Variants in RNF8 observed in about 807,000 individuals in gnomAD.
The protein encoded by RNF8 is E3 ubiquitin-protein ligase RNF8.
In RNF8, 8 loss-of-function variants were observed where a neutral mutation model predicts 59.3. The ratio of observed to expected loss-of-function variants is 0.13; its 90% CI spans 0.08 to 0.24. The LOEUF is 0.24. RNF8 is among the 10% of genes least tolerant of loss of function. The pLI is 1.00. For missense variants in RNF8, 406 were observed against 572.6 expected (o/e 0.71, Z 2.97); for synonymous variants, 162 against 200.0 (o/e 0.81, Z 1.60).
chr6:37,388,645 G>T (rs1056529997), intron 7 of RNF8, among the ~76,000 whole-genome samples: 1 of 152,060 alleles, frequency 6.6e-6, no homozygotes, highest in African/African-American at 2.4e-5. Context: ...GGGATGTGGG[G>T]CAGGGATGTG....
At chr6:37,379,304 C>G (rs1399673739) in intron 6 of RNF8, among the ~76,000 whole-genome samples, 1 of 152,104 alleles carries the variant, frequency 6.6e-6, no homozygotes, top group Non-Finnish European at 1.5e-5. Flanking sequence ...TGAGCCTGGC[C>G]AGATGCTTCA....
intron 7 of RNF8, among the ~76,000 whole-genome samples, chr6:37,386,437 C>T (rs888684257): frequency 3.9e-5 from 6 of 152,112 alleles, no homozygotes; most frequent in East Asian, 3.9e-4. Flanking sequence ...TGCAGGCACC[C>T]GGAAAAGTTT....
rs191180960 is a variant in RNF8 at position 37,370,904 on chromosome 6, G to A, written c.976-608G>A. ...AATTTCAAGTTGGCATATTAAATGG[G>A]TAGGTAATTCTTAAGGACAGAAGGG... is the stretch of plus-strand genomic sequence containing the variant. On this transcript the variant is annotated intron_variant, in intron 3 of 7. Transcript: ENST00000373479. Among the ~76,000 whole-genome samples, 19 of 152,246 alleles carry A rather than the reference G, an allele frequency of 1.2e-4. No individual in the cohort carries two copies. In the South Asian group the frequency reaches 2.3e-3, roughly 18 times the overall value.
At position 37,368,810 on chromosome 6, in the gene RNF8, A is replaced by G; in HGVS notation, c.567A>G (p.Ser189=). 6.2e-7 allele frequency: 1 copy of G among 1,614,206 alleles called. No homozygotes were observed. Among genetic ancestry groups the G allele is most frequent in the South Asian group, 1.1e-5 (1 of 91,088 alleles). The change falls in exon 3 of 8, where the codon TCA becomes TCG. Residue 189 remains serine, a synonymous_variant. Transcript: ENST00000373479. The part of the protein sequence containing the change: ...VSCESGQPVK[S]QGKGEVASTP... ...GTGAATCTGGTCAGCCAGTGAAATCACAGGGGAAAGGTGAAGTGGCCAGTA... is the reference window on the plus strand; with the variant it reads ...GTGAATCTGGTCAGCCAGTGAAATCGCAGGGGAAAGGTGAAGTGGCCAGTA...
At chr6:37,369,303 T>C in intron 3 of RNF8, 85 bp downstream of exon 3, 1 of 1,444,232 alleles carries the variant, frequency 6.9e-7, no homozygotes, top group African/African-American at 1.4e-5. Flanking sequence ...TCTCAGTTTC[T>C]GGGCCAGGTA....
chr6:37,357,203 C>T (rs1769153299), intron 1 of RNF8, among the ~76,000 whole-genome samples: 1 of 152,176 alleles, frequency 6.6e-6, no homozygotes, highest in Non-Finnish European at 1.5e-5. Context: ...ACATATGGGT[C>T]GTCAGTCAGT....
In RNF8 at chr6:37,368,930, G is replaced by C. The variant is rs370264616; in HGVS notation, c.687G>C (p.Glu229Asp). Residue 229 changes from glutamate (E) to aspartate (D), a missense_variant, in exon 3 of 8, where the codon GAG becomes GAC. By Grantham distance (45) the Glu-to-Asp change is conservative. This residue lies in a region of RNF8 where 285 missense variants were observed against 342.0 expected (regional missense o/e 0.83). Transcript: ENST00000373479. Reference sequence around the variant, plus strand: ...ACCCTGGCTTCCCCAAAGTCACAGAGGTTCATCATGAGCAGAAAGCCTCAA... The same window carrying C: ...ACCCTGGCTTCCCCAAAGTCACAGACGTTCATCATGAGCAGAAAGCCTCAA... ...PIYPGFPKVT[E>D]VHHEQKASNS... 4 of 1,614,152 alleles carry C rather than the reference G, an allele frequency of 2.5e-6. No individual in the cohort carries two copies. The highest frequency in any genetic ancestry group is 1.7e-5 in the Admixed American group (1 of 60,010).
chr6:37,365,903 A>G (rs1581672739), intron 2 of RNF8, among the ~76,000 whole-genome samples: 1 of 152,208 alleles, frequency 6.6e-6, no homozygotes, highest in Non-Finnish European at 1.5e-5. Flanking sequence ...CCTTATATGA[A>G]CAGACCTGAC....
At chr6:37,361,624 C>G in intron 2 of RNF8, 1 of 298,932 alleles carries the variant, frequency 3.3e-6, no homozygotes, top group Non-Finnish European at 6.5e-6. Flanking sequence ...AGTGCCATTT[C>G]ATATTGCTTC....
intron 6 of RNF8, among the ~76,000 whole-genome samples, chr6:37,380,627 C>T (rs1476513961): frequency 1.0e-4 from 15 of 149,744 alleles, no homozygotes; most frequent in East Asian, 6.1e-4. Flanking sequence ...GCCGAGATCG[C>T]GCCACTGCAC....
chr6:37,390,507 A>G (rs1199072254), intron 7 of RNF8, among the ~76,000 whole-genome samples: 5 of 152,148 alleles, frequency 3.3e-5, no homozygotes, highest in African/African-American at 1.2e-4. Context: ...AGCTTGAGCA[A>G]GACGCAGATT....
chr6:37,375,688 G>A (rs369168332), intron 5 of RNF8, among the ~76,000 whole-genome samples: 251 of 152,264 alleles, frequency 1.6e-3, no homozygotes, highest in African/African-American at 5.6e-3. Context: ...ATTTGACTAT[G>A]GTTAGAAATG....
At chr6:37,384,291 C>T (rs1770403857) in intron 7 of RNF8, among the ~76,000 whole-genome samples, 1 of 152,090 alleles carries the variant, frequency 6.6e-6, no homozygotes, top group African/African-American at 2.4e-5. Flanking sequence ...CAGGTGCATG[C>T]CACCACGCCC....
At chr6:37,362,021 G>C (rs1769343754) in intron 2 of RNF8, among the ~76,000 whole-genome samples, 1 of 152,154 alleles carries the variant, frequency 6.6e-6, no homozygotes, top group African/African-American at 2.4e-5. Context: ...TAAGCAATTT[G>C]CTATACTGGC....
intron 1 of RNF8, among the ~76,000 whole-genome samples, chr6:37,354,738 G>T (rs1769049785): frequency 6.7e-6 from 1 of 149,788 alleles, no homozygotes; most frequent in South Asian, 2.1e-4. Context: ...GCGGGGGCTG[G>T]CCAGATCCCG....
intron 7 of RNF8, 58 bp downstream of exon 7, chr6:37,381,412 C>A: frequency 6.8e-7 from 1 of 1,461,768 alleles, no homozygotes; most frequent in Non-Finnish European, 9.5e-7. Context: ...TTCCAAACTT[C>A]AACAAATATT....
chr6:37,390,228 T>C (rs1158034963), intron 7 of RNF8, among the ~76,000 whole-genome samples: 1 of 152,176 alleles, frequency 6.6e-6, no homozygotes, highest in Non-Finnish European at 1.5e-5. Flanking sequence ...AAAGTGAAAA[T>C]CTAAGTTAGA....
chr6:37,356,656 C>T (rs1399521432), intron 1 of RNF8, among the ~76,000 whole-genome samples: 1 of 152,158 alleles, frequency 6.6e-6, no homozygotes, highest in Non-Finnish European at 1.5e-5. Flanking sequence ...CTTCTCTCCC[C>T]TTTTCTTCTC....
At position 37,391,227 on chromosome 6, in the gene RNF8, A is replaced by C; in HGVS notation, c.*469A>C. The stretch of plus-strand genomic sequence containing the variant: ...TCATTTCCTGGAAATAAAATGTAAA[A>C]CCTGTCAGTTGCTCAGCTGGGCTTT... On this transcript the variant is annotated 3_prime_UTR_variant, in exon 8 of 8. Coordinates refer to ENST00000373479, the MANE Select transcript of RNF8 (RefSeq NM_003958.4). The C allele has an allele frequency of 1.1e-5, 2 of 176,622 alleles. No individual in the cohort carries two copies. The highest frequency in any genetic ancestry group is 1.4e-4 in the South Asian group (1 of 7,388). The allele number at this position is 176,622 out of a possible 1,614,324, so 10.9% of individuals were successfully genotyped here.
Sources: allele counts gnomAD v4.1 joint callset (sites outside exome capture counted in the v4.1 genomes callset), GRCh38; gene constraint gnomAD v4.1.1; regional missense constraint gnomAD v4.1.1; transcripts MANE v1.5; gene names NCBI Gene and HGNC (gene_info 2026-07-23, HGNC 2026-07-21).